The following NIN variants were observed in gnomAD, a reference collection of about 807,000 sequenced individuals.
NIN encodes the protein ninein.
NIN carries 137 observed loss-of-function variants against 257.6 expected under a neutral mutation model. The ratio of observed to expected loss-of-function variants is 0.53; its 90% CI spans 0.46 to 0.61. The LOEUF (loss-of-function observed/expected upper bound fraction) is 0.61. Among genes scored for constraint, NIN ranks in the 20% least tolerant of loss-of-function variants. The pLI, the probability that NIN is intolerant of heterozygous loss-of-function variation, is 0.00. For synonymous variants in NIN, 918 were observed against 919.8 expected (o/e 1.00, Z 0.04); for missense variants, 2,439 against 2,501.2 (o/e 0.98, Z 0.53).
intron 7 of NIN, among the ~76,000 whole-genome samples, chr14:50,776,471 A>G (rs1248223318): frequency 6.6e-6 from 1 of 152,206 alleles, no homozygotes; most frequent in Non-Finnish European, 1.5e-5. Context: ...TCAGCAAGCA[A>G]GATTTTTCTA....
rs1203086537 is a variant in NIN at position 50,756,599 on chromosome 14, C to T, written c.4431G>A (p.Lys1477=). ...KLKERVTILV[K]QKDVLSHGEK... ...CTCCGTGAGAAAGTACATCTTTTTG[C>T]TTAACTAAAATAGTGACTCTCTCCT... is the stretch of plus-strand genomic sequence containing the variant. Residue 1477 remains lysine (K), a synonymous_variant, in exon 18 of 31, where the codon AAG becomes AAA. Transcript: ENST00000530997. 1.6e-5 allele frequency: 25 copies of T among 1,594,946 alleles called. No individual in the cohort carries two copies. The highest frequency in any genetic ancestry group is 2.7e-5 in the African/African-American group (2 of 74,586).
At chr14:50,729,851 A>G in intron 28 of NIN, 128 bp from the exon 29 acceptor site, 1 of 654,016 alleles carries the variant, frequency 1.5e-6, no homozygotes, top group Non-Finnish European at 2.5e-6. Context: ...TGAAACTTGG[A>G]AACAGGACAG....
At chr14:50,785,858 G>A (rs2043324219) in intron 5 of NIN, among the ~76,000 whole-genome samples, 1 of 152,178 alleles carries the variant, frequency 6.6e-6, no homozygotes. Flanking sequence ...CACCTTTGAA[G>A]GCAAAGGCAA....
chr14:50,823,680 T>G (rs2045337157), intron 2 of NIN, among the ~76,000 whole-genome samples: 1 of 152,148 alleles, frequency 6.6e-6, no homozygotes, highest in Non-Finnish European at 1.5e-5. Flanking sequence ...GGGCCACTCA[T>G]TAAAGTAAAG....
intron 16 of NIN, among the ~76,000 whole-genome samples, chr14:50,761,139 T>C (rs945218493): frequency 6.6e-6 from 1 of 151,674 alleles, no homozygotes; most frequent in Non-Finnish European, 1.5e-5. Context: ...ATAAAAGGTA[T>C]ACAAAAAAGA....
chr14:50,732,234 C>T (rs1271687561), intron 28 of NIN, among the ~76,000 whole-genome samples: 1 of 152,092 alleles, frequency 6.6e-6, no homozygotes, highest in African/African-American at 2.4e-5. Context: ...AGGTTAGAAC[C>T]ATGAAGACAG....
rs1333914079 is a variant in NIN, at chr14:50,752,055, GTTTTC to G, written c.4950+458_4950+462del. Among the ~76,000 whole-genome samples, 7 of 151,604 alleles carry G rather than the reference GTTTTC, an allele frequency of 4.6e-5. 1 individual carries two copies. The East Asian group carries it at 1.2e-3, about 25-fold the overall frequency. ...AAACTTTTTTTAACATATAATCAGTGTTTTCTTTTATTGCCTCCGGTTTTTGAGTT... is the reference window on the plus strand; with the variant it reads ...AAACTTTTTTTAACATATAATCAGTGTTTTATTGCCTCCGGTTTTTGAGTT... On this transcript the variant is annotated intron_variant, in intron 21 of 30. Transcript: ENST00000530997.
chr14:50,758,489 G>T lies in NIN; in HGVS notation c.2541C>A (p.Leu847=), dbSNP rs770684570. The change falls in exon 18 of 31, where the codon CTC becomes CTA. Residue 847 remains leucine (L), a synonymous_variant. Transcript: ENST00000530997. ...EGRYRQELKD[L]QEQQREEKSQ... ...ATTTCTCCTCACGCTGCTGTTCCTG[G>T]AGGTCCTTCAGCTCTTGGCGGTAGC... The T allele has an allele frequency of 6.2e-7, 1 of 1,614,198 alleles. No homozygotes were observed.
intron 22 of NIN, among the ~76,000 whole-genome samples, chr14:50,746,249 T>G (rs2041532109): frequency 6.6e-6 from 1 of 152,134 alleles, no homozygotes; most frequent in South Asian, 2.1e-4. Context: ...ATGCTCAAGT[T>G]AATTAGGATA....
rs1428525042 is a variant in NIN, at chr14:50,760,456, T to TTTC, written c.1897-100_1897-98dup. 6.9e-6 allele frequency: 8 copies of TTTC among 1,153,122 alleles called. No individual in the cohort carries two copies. In the African/African-American group the frequency reaches 1.2e-4, roughly 18 times the overall value. 71.4% of individuals were successfully genotyped at this position (1,153,122 alleles called of 1,614,324 possible). On this transcript the variant is annotated intron_variant, in intron 16 of 30. Transcript: ENST00000530997. ...CAATTGCTTTTTTTTTTTTTTTTTT[T>TTTC]TTCCCTACAAGACATTTCTCATTTC...
intron 20 of NIN, among the ~76,000 whole-genome samples, chr14:50,753,742 T>C (rs1324476332): frequency 6.6e-6 from 1 of 152,214 alleles, no homozygotes; most frequent in Admixed American, 6.5e-5. Context: ...CAACAATGCA[T>C]GGGCACAGTC....
chr14:50,756,775 G>A lies in NIN; in HGVS notation c.4255C>T (p.His1419Tyr). 6.4e-7 allele frequency: 1 copy of A among 1,551,552 alleles called. No individual in the cohort carries two copies. Among genetic ancestry groups the A allele is most frequent in the Non-Finnish European group, 8.7e-7 (1 of 1,146,966 alleles). The change falls in exon 18 of 31, where the codon CAT becomes TAT. Residue 1419 changes from histidine to tyrosine, a missense_variant. This residue lies in a region of NIN where 2,043 missense variants were observed against 2,050.2 expected (regional missense o/e 1.00). Transcript: ENST00000530997. ...IAWLHGTIQT[H>Y]QERPRVQNQV... ...TTCTGTACTCTTGGCCTTTCTTGAT[G>A]TGTCTGAATTGTTCCATGTAACCAG...
Position 50,758,094 on chromosome 14 carries a change from T to C in NIN, c.2936A>G (p.Glu979Gly). Reference sequence around the variant, plus strand: ...AAGCTTGGACATCATTTCCTGCCTTTCCTGGTCATGTTCCATTTCTAGTCT... The same window carrying C: ...AAGCTTGGACATCATTTCCTGCCTTCCCTGGTCATGTTCCATTTCTAGTCT... ...LERLEMEHDQ[E>G]RQEMMSKLLA... is the part of the protein sequence containing the mutation. Residue 979 changes from glutamate (E) to glycine (G), a missense_variant, in exon 18 of 31, where the codon GAA (glutamate) becomes GGA (glycine). Transcript: ENST00000530997. 6.2e-7 allele frequency: 1 copy of C among 1,614,188 alleles called. No homozygotes were observed. The highest frequency in any genetic ancestry group is 2.2e-5 in the East Asian group (1 of 44,880).
At chr14:50,743,160 A>T (rs1278414085) in intron 24 of NIN, among the ~76,000 whole-genome samples, 1 of 150,970 alleles carries the variant, frequency 6.6e-6, no homozygotes, top group African/African-American at 2.4e-5. Context: ...AGTAGAGATG[A>T]GGTTTCACCA....
rs890013498 is a variant in NIN at position 50,765,735 on chromosome 14, GA to G, written c.1635+571del. Among the ~76,000 whole-genome samples the G allele has an allele frequency of 6.6e-3, 840 of 128,118 alleles. 8 individuals are homozygous for G. The highest frequency in any genetic ancestry group is 0.022 in the African/African-American group (764 of 35,038). The allele number at this position is 128,118 out of a possible 152,430, so 84.1% of individuals were successfully genotyped here. A position where few individuals can be genotyped will look rare whatever the true frequency, so the allele number is the denominator to read the frequency against. On this transcript the variant is annotated intron_variant, in intron 14 of 30. Transcript: ENST00000530997. ...ATAAATGGAGTAAAAAATGTATTCA[GA>G]AAAAAAAAAACCCACAGGACAAAAC...
intron 27 of NIN, 142 bp from the exon 28 acceptor site, chr14:50,735,759 AC>A: frequency 9.0e-7 from 1 of 1,108,990 alleles, no homozygotes; most frequent in Non-Finnish European, 1.2e-6. Flanking sequence ...AACAAATAAT[AC>A]AATTCAGTGT....
rs1455657814 is a variant in NIN at position 50,758,501 on chromosome 14, C to T, written c.2529G>A (p.Glu843=). 6.2e-7 allele frequency: 1 copy of T among 1,614,218 alleles called. No homozygotes were observed. The highest frequency in any genetic ancestry group is 1.7e-5 in the Admixed American group (1 of 60,026). ...LQSLEGRYRQ[E]LKDLQEQQRE... ...GCTGCTGTTCCTGGAGGTCCTTCAGCTCTTGGCGGTAGCGCCCCTCCAGGC... is the reference window on the plus strand; with the variant it reads ...GCTGCTGTTCCTGGAGGTCCTTCAGTTCTTGGCGGTAGCGCCCCTCCAGGC... Residue 843 remains glutamate (E), a synonymous_variant, in exon 18 of 31, where the codon GAG becomes GAA. Transcript: ENST00000530997.
chr14:50,723,811 G>C, intron 30 of NIN, 139 bp from the exon 31 acceptor site: 1 of 684,944 alleles, frequency 1.5e-6, no homozygotes, highest in Non-Finnish European at 2.4e-6. Context: ...TTACAAAATA[G>C]CTTTAACATC....
At chr14:50,740,678 C>T (rs547595492) in intron 25 of NIN, among the ~76,000 whole-genome samples, 93 of 152,128 alleles carry the variant, frequency 6.1e-4, no homozygotes, top group South Asian at 2.3e-3. Context: ...GACAGGGTTT[C>T]GCCATGTTGG....
Sources: allele counts gnomAD v4.1 joint callset (sites outside exome capture counted in the v4.1 genomes callset), GRCh38; gene constraint gnomAD v4.1.1; regional missense constraint gnomAD v4.1.1; transcripts MANE v1.5; gene names NCBI Gene and HGNC (gene_info 2026-07-23, HGNC 2026-07-21).